PREX1: variants seen among roughly 807,000 people sequenced by gnomAD.
PREX1 encodes the protein phosphatidylinositol-3,4,5-trisphosphate dependent Rac exchange factor 1, also known as phosphatidylinositol 3,4,5-trisphosphate-dependent Rac exchanger 1 protein.
Under a neutral mutation model 198.3 loss-of-function variants are expected in PREX1, and 41 were observed. The observed-to-expected ratio is 0.21, with a 90% CI of 0.16 to 0.27. PREX1 has a LOEUF of 0.27. PREX1 is among the 10% of genes least tolerant of loss of function. The pLI is 1.00. For synonymous variants in PREX1, 843 were observed against 887.2 expected, an observed-to-expected ratio of 0.95 and a Z score of 0.89; for missense variants, 1,620 against 2,200.7, an observed-to-expected ratio of 0.74 and a Z score of 5.28.
At chr20:48,655,871 C>A (rs544720752) in intron 18 of PREX1, among the ~76,000 whole-genome samples, 29 of 152,326 alleles carry the variant, frequency 1.9e-4, no homozygotes, top group African/African-American at 6.5e-4. Context: ...CCAGGGAGGG[C>A]AATGGGTGTC....
intron 1 of PREX1, among the ~76,000 whole-genome samples, chr20:48,792,817 T>TACACACACACACAC (rs372512250): frequency 4.5e-4 from 51 of 113,544 alleles, no homozygotes; most frequent in African/African-American, 1.6e-3. Context: ...AAAAAAAAAA[T>TACACACACACACAC]ACACACACAC....
chr20:48,800,134 C>A (rs1275939162), intron 1 of PREX1, among the ~76,000 whole-genome samples: 3 of 152,200 alleles, frequency 2.0e-5, no homozygotes, highest in African/African-American at 4.8e-5. Context: ...TCACTACAAC[C>A]CTTAAGGTAG....
chr20:48,728,766 A>G (rs2090020578), intron 4 of PREX1, among the ~76,000 whole-genome samples: 1 of 152,178 alleles, frequency 6.6e-6, no homozygotes, highest in Non-Finnish European at 1.5e-5. Flanking sequence ...AGATTTTCAC[A>G]GCCACCAAGG....
the PREX1 span, among the ~76,000 whole-genome samples, chr20:48,837,487 C>A: frequency 6.6e-6 from 1 of 152,130 alleles, no homozygotes; most frequent in Non-Finnish European, 1.5e-5. Flanking sequence ...TACCATGAAG[C>A]CATAAAAAAT....
the PREX1 span, among the ~76,000 whole-genome samples, chr20:48,861,535 C>T: frequency 6.6e-6 from 1 of 152,296 alleles, no homozygotes; most frequent in East Asian, 1.9e-4. Flanking sequence ...GCCACAGGCA[C>T]AAAACTTCCC....
At chr20:48,655,809 C>A (rs762738379) in intron 18 of PREX1, among the ~76,000 whole-genome samples, 2 of 152,188 alleles carry the variant, frequency 1.3e-5, no homozygotes, top group Non-Finnish European at 2.9e-5. Flanking sequence ...CCTAGGAAGG[C>A]AGGTCTGGGC....
intron 1 of PREX1, among the ~76,000 whole-genome samples, chr20:48,761,614 T>C (rs771865245): frequency 1.3e-5 from 2 of 151,736 alleles, no homozygotes; most frequent in Non-Finnish European, 2.9e-5. Context: ...GATGCAACAG[T>C]GGGGGAAGGC....
intron 35 of PREX1, among the ~76,000 whole-genome samples, 177 bp downstream of exon 35, chr20:48,632,100 G>A (rs2089318855): frequency 6.6e-6 from 1 of 152,218 alleles, no homozygotes; most frequent in Non-Finnish European, 1.5e-5. Context: ...GGGATCCATG[G>A]CCTGCTGCCA....
intron 5 of PREX1, among the ~76,000 whole-genome samples, chr20:48,716,138 C>T (rs2089961325): frequency 6.6e-6 from 1 of 152,140 alleles, no homozygotes. Context: ...CCCTGTGAAC[C>T]AGCAGCATTA....
At chr20:48,710,883 G>A (rs544921955) in intron 5 of PREX1, among the ~76,000 whole-genome samples, 8 of 152,352 alleles carry the variant, frequency 5.3e-5, no homozygotes, top group Admixed American at 1.3e-4. Flanking sequence ...CGGAGCTGCA[G>A]CAGAGCAAGT....
intron 25 of PREX1, among the ~76,000 whole-genome samples, chr20:48,649,099 G>T (rs2089472006): frequency 6.6e-6 from 1 of 152,216 alleles, no homozygotes; most frequent in South Asian, 2.1e-4. Context: ...AATGTCTGAA[G>T]ACATTTTTGG....
At chr20:48,675,392 G>A (rs958976888) in intron 14 of PREX1, among the ~76,000 whole-genome samples, 1 of 152,210 alleles carries the variant, frequency 6.6e-6, no homozygotes, top group African/African-American at 2.4e-5. Context: ...TTTTGTTATA[G>A]CAGCACAAAT....
rs1010894072 is a variant in PREX1 at position 48,644,765 on chromosome 20, G to A, written c.3513-268C>T. Among the ~76,000 whole-genome samples, 8 of 152,190 alleles carry A rather than the reference G, an allele frequency of 5.3e-5. No homozygotes were observed. In the South Asian group the frequency reaches 6.2e-4, roughly 12 times the overall value. On this transcript the variant is annotated intron_variant, in intron 26 of 39. Coordinates refer to ENST00000371941, the MANE Select transcript of PREX1 (RefSeq NM_020820.4). ...GAGGAAGACGGTGAATCATTTTCAC[G>A]CAGGTGTCACTCTGTCCAGTGTCCC... is the stretch of plus-strand genomic sequence containing the variant.
chr20:48,627,476 C>G, intron 39 of PREX1, 72 bp downstream of exon 39: 1 of 1,525,546 alleles, frequency 6.6e-7, no homozygotes, highest in Non-Finnish European at 9.1e-7. Flanking sequence ...AGGCCAGGAG[C>G]ATGATGCCAA....
chr20:48,768,567 G>A (rs1404851524), intron 1 of PREX1, among the ~76,000 whole-genome samples: 1 of 152,160 alleles, frequency 6.6e-6, no homozygotes. Flanking sequence ...GGCAGAGGCG[G>A]CCGATCACTT....
At chr20:48,799,033 G>A (rs962776887) in intron 1 of PREX1, among the ~76,000 whole-genome samples, 4 of 151,976 alleles carry the variant, frequency 2.6e-5, no homozygotes, top group African/African-American at 7.3e-5. Context: ...ACAGGCACGC[G>A]CCACCACCCA....
At chr20:48,833,864 G>T in the PREX1 span, among the ~76,000 whole-genome samples, 1 of 152,144 alleles carries the variant, frequency 6.6e-6, no homozygotes, top group African/African-American at 2.4e-5. Flanking sequence ...CGGGCGGATA[G>T]CGAGGTGAGG....
At chr20:48,867,341 C>G in the PREX1 span, among the ~76,000 whole-genome samples, 1 of 152,302 alleles carries the variant, frequency 6.6e-6, no homozygotes, top group East Asian at 1.9e-4. Context: ...AGAAGCAGTG[C>G]CAGAATCATA....
At chr20:48,672,208 T>G (rs1285337572) in intron 14 of PREX1, among the ~76,000 whole-genome samples, 1 of 152,236 alleles carries the variant, frequency 6.6e-6, no homozygotes, top group African/African-American at 2.4e-5. Context: ...GCCTCTTTCA[T>G]AGCATCCCAG....
Sources: allele counts gnomAD v4.1 joint callset (sites outside exome capture counted in the v4.1 genomes callset), GRCh38; gene constraint gnomAD v4.1.1; transcripts MANE v1.5; gene names NCBI Gene and HGNC (gene_info 2026-07-23, HGNC 2026-07-21).